ARPC3: variants seen among roughly 807,000 people sequenced by gnomAD.
ARPC3 encodes actin-related protein 2/3 complex subunit 3.
ARPC3 carries 12 observed loss-of-function variants against 27.6 expected under a neutral mutation model. That is an observed-to-expected ratio of 0.43 (90% CI 0.28 to 0.70). ARPC3 has a LOEUF of 0.70. Among genes scored for constraint, ARPC3 ranks in the 30% least tolerant of loss-of-function variants. The pLI is 0.17. For synonymous variants in ARPC3, 53 were observed against 67.2 expected (o/e 0.79, Z 1.03); for missense variants, 153 against 207.7 (o/e 0.74, Z 1.62).
intron 1 of ARPC3, among the ~76,000 whole-genome samples, chr12:110,446,294 C>T (rs1196647523): frequency 2.1e-5 from 3 of 142,654 alleles, no homozygotes; most frequent in Non-Finnish European, 4.5e-5. Context: ...TGGCTACTTC[C>T]TAATTTTTTT....
intron 2 of ARPC3, chr12:110,443,063 T>C (rs944981517): frequency 9.9e-5 from 15 of 152,174 alleles, no homozygotes; most frequent in South Asian, 4.1e-4. Flanking sequence ...TCCCAGCTCA[T>C]TGCCCTGTGG....
intron 2 of ARPC3, among the ~76,000 whole-genome samples, chr12:110,440,749 T>C (rs1269873544): frequency 6.6e-6 from 1 of 151,034 alleles, no homozygotes; most frequent in Non-Finnish European, 1.5e-5. Context: ...GGTTTCACCA[T>C]GTTAGCCAGG....
chr12:110,436,238 G>A, intron 5 of ARPC3, 34 bp from the exon 6 acceptor site: 1 of 1,530,454 alleles, frequency 6.5e-7, no homozygotes, highest in East Asian at 2.3e-5. Context: ...AACTGTATTT[G>A]CAAATACATC....
At chr12:110,444,536 T>C (rs2062454307) in intron 2 of ARPC3, among the ~76,000 whole-genome samples, 5 of 152,002 alleles carry the variant, frequency 3.3e-5, no homozygotes, top group South Asian at 4.1e-4. Flanking sequence ...CCACTTGCCT[T>C]GGCCTTCCAA....
At chr12:110,442,842 G>C (rs1458601984) in intron 2 of ARPC3, 1 of 152,120 alleles carries the variant, frequency 6.6e-6, no homozygotes, top group African/African-American at 2.4e-5. Context: ...GACAAAGACA[G>C]ATCTCATGAC....
chr12:110,445,646 C>A, intron 1 of ARPC3, 95 bp from the exon 2 acceptor site: 1 of 929,662 alleles, frequency 1.1e-6, no homozygotes. Flanking sequence ...AAGAGTAAAC[C>A]ACCCAAGATT....
intron 2 of ARPC3, chr12:110,444,988 C>T (rs117949116): frequency 0.019 from 3,389 of 175,396 alleles, 49 homozygotes; most frequent in Middle Eastern, 0.089. Context: ...CGGGAATAGA[C>T]GTAAGTAATG....
chr12:110,437,125 T>G lies in ARPC3; in HGVS notation c.211A>C (p.Ile71Leu). Reference protein sequence around the residue: ...KNEADRTLIYITLYISECLKK... With the variant: ...KNEADRTLIYLTLYISECLKK... Reference sequence around the variant, plus strand: ...AGACATTCAGAAATGTAGAGAGTTATATATATCAAGGTCCTATCAGCTTCA... The same window carrying G: ...AGACATTCAGAAATGTAGAGAGTTAGATATATCAAGGTCCTATCAGCTTCA... Residue 71 changes from isoleucine (I) to leucine (L), a missense_variant, in exon 4 of 7, where the codon ATA (isoleucine) becomes CTA (leucine). Physicochemically the swap from Ile to Leu is conservative, Grantham distance 5. Transcript: ENST00000228825. 1 of 1,602,564 alleles carries G rather than the reference T, an allele frequency of 6.2e-7. No homozygotes were observed. The highest frequency in any genetic ancestry group is 8.5e-7 in the Non-Finnish European group (1 of 1,170,334).
chr12:110,439,637 A>G (rs1287043237), intron 3 of ARPC3, among the ~76,000 whole-genome samples: 1 of 152,150 alleles, frequency 6.6e-6, no homozygotes, highest in East Asian at 1.9e-4. Flanking sequence ...TCGAGACACC[A>G]TCCTGCCTAA....
In ARPC3 at chr12:110,441,454, G is replaced by A. The variant is rs141977498; in HGVS notation, c.107-1066C>T. 3.9e-5 allele frequency among the ~76,000 whole-genome samples: 6 copies of A among 152,282 alleles called. No individual in the cohort carries two copies. The East Asian group carries it at 1.2e-3, about 29-fold the overall frequency. ...ATTTTCAGAAAATATTTATAGAAAA[G>A]TAGTACATGGTTTATTTTTACAGCT... On this transcript the variant is annotated intron_variant, in intron 2 of 6. Transcript: ENST00000228825.
rs1281238910 is a variant in ARPC3 at position 110,439,382 on chromosome 12, T to C, written c.183+930A>G. ...TGTGCCCAGAGAATTGTAACATTTA[T>C]AACTGTTACAAACTTAACCCACACA... is the stretch of plus-strand genomic sequence containing the variant. On this transcript the variant is annotated intron_variant, in intron 3 of 6. Coordinates refer to ENST00000228825, the MANE Select transcript of ARPC3 (RefSeq NM_001278556.2). Among the ~76,000 whole-genome samples, 3 of 152,216 alleles carry C rather than the reference T, an allele frequency of 2.0e-5. No individual in the cohort carries two copies. The East Asian group carries it at 5.8e-4, about 29-fold the overall frequency.
chr12:110,446,759 C>T (rs1400347887), intron 1 of ARPC3, among the ~76,000 whole-genome samples: 2 of 151,932 alleles, frequency 1.3e-5, no homozygotes, highest in African/African-American at 4.8e-5. Flanking sequence ...CAGGTGCGTG[C>T]CACCACGCCC....
chr12:110,450,127 G>A, intron 1 of ARPC3, 128 bp downstream of exon 1: 2 of 1,367,318 alleles, frequency 1.5e-6, no homozygotes, highest in Non-Finnish European at 2.0e-6. Context: ...CCCTCCCCTC[G>A]CCTCCCTCCT....
chr12:110,445,605 T>A (rs2135504192), intron 1 of ARPC3, 54 bp from the exon 2 acceptor site: 3 of 1,318,930 alleles, frequency 2.3e-6, no homozygotes, highest in Non-Finnish European at 3.3e-6. Flanking sequence ...CAAATGTCAC[T>A]GTGGCAAACA....
intron 2 of ARPC3, among the ~76,000 whole-genome samples, chr12:110,443,552 C>T (rs2062449465): frequency 6.6e-6 from 1 of 152,154 alleles, no homozygotes; most frequent in Non-Finnish European, 1.5e-5. Context: ...CCTGTCTCAG[C>T]CTCCCATGTA....
chr12:110,440,797 C>T (rs1215908255), intron 2 of ARPC3, among the ~76,000 whole-genome samples: 4 of 149,668 alleles, frequency 2.7e-5, no homozygotes, highest in Non-Finnish European at 5.9e-5. Context: ...CCGCCCATCT[C>T]GGCCTCCCAA....
Position 110,450,335 on chromosome 12 carries a change from G to T in ARPC3, c.-75C>A. On this transcript the variant is annotated 5_prime_UTR_variant, in exon 1 of 7. Coordinates refer to ENST00000228825, the MANE Select transcript of ARPC3 (RefSeq NM_001278556.2). Reference sequence around the variant, plus strand: ...GGAGCGCTTCCGGTCTGGCAGCCTGGGCGAGGTAGGCGGAAGCGAAACGGA... The same window carrying T: ...GGAGCGCTTCCGGTCTGGCAGCCTGTGCGAGGTAGGCGGAAGCGAAACGGA... 1 of 1,599,034 alleles carries T rather than the reference G, an allele frequency of 6.3e-7. No homozygotes were observed. Among genetic ancestry groups the T allele is most frequent in the Admixed American group, 1.7e-5 (1 of 59,026 alleles).
chr12:110,443,993 CAG>C lies in ARPC3; in HGVS notation c.106+1457_106+1458del, dbSNP rs569400101. Among the ~76,000 whole-genome samples, 6 of 145,278 alleles carry C rather than the reference CAG, an allele frequency of 4.1e-5. No individual in the cohort carries two copies. The South Asian group carries it at 1.3e-3, about 32-fold the overall frequency. ...GGTTTTTTTTTTTTTTCTTTTGAAACAGAGTTTTGCTCGTTGCCTAGGCTGGA... is the reference window on the plus strand; with the variant it reads ...GGTTTTTTTTTTTTTTCTTTTGAAACAGTTTTGCTCGTTGCCTAGGCTGGA... On this transcript the variant is annotated intron_variant, in intron 2 of 6. Transcript: ENST00000228825.
chr12:110,450,086 C>T (rs953617874), intron 1 of ARPC3, among the ~76,000 whole-genome samples, 169 bp downstream of exon 1: 3 of 152,178 alleles, frequency 2.0e-5, no homozygotes, highest in African/African-American at 7.2e-5. Context: ...ACTGGCACCC[C>T]CGGGCCGCCC....
Sources: allele counts gnomAD v4.1 joint callset (sites outside exome capture counted in the v4.1 genomes callset), GRCh38; gene constraint gnomAD v4.1.1; transcripts MANE v1.5; gene names NCBI Gene and HGNC (gene_info 2026-07-23, HGNC 2026-07-21).